Variants in CSMD3 observed in about 807,000 individuals in gnomAD.
CSMD3 encodes the protein CUB and Sushi multiple domains 3, also known as CUB and sushi domain-containing protein 3.
Under a neutral mutation model 435.2 loss-of-function variants are expected in CSMD3, and 177 were observed. The observed-to-expected ratio is 0.41, with a 90% CI of 0.36 to 0.46. The LOEUF (loss-of-function observed/expected upper bound fraction) is 0.46. Among genes scored for constraint, CSMD3 ranks in the 20% least tolerant of loss-of-function variants. CSMD3 has a pLI of 0.34. For synonymous variants in CSMD3, 1,656 were observed against 1,520.5 expected (o/e 1.09, Z -2.07); for missense variants, 4,265 against 4,504.6 (o/e 0.95, Z 1.52).
chr8:113,262,592 A>C (rs2093436292), intron 3 of CSMD3, among the ~76,000 whole-genome samples: 1 of 152,084 alleles, frequency 6.6e-6, no homozygotes, highest in Admixed American at 6.6e-5. Context: ...AGCCAACTAA[A>C]GAGGGAGATA....
chr8:113,118,247 G>C (rs951851168), intron 4 of CSMD3, among the ~76,000 whole-genome samples: 1 of 152,088 alleles, frequency 6.6e-6, no homozygotes, highest in African/African-American at 2.4e-5. Flanking sequence ...TAATACATTA[G>C]TTACAACTTT....
intron 3 of CSMD3, among the ~76,000 whole-genome samples, chr8:113,255,891 CTATTA>C (rs1474416960): frequency 6.6e-6 from 1 of 151,714 alleles, no homozygotes; most frequent in Non-Finnish European, 1.5e-5. Context: ...TATACTTTTG[CTATTA>C]TTTTACAGTG....
chr8:112,330,914 C>G (rs1163514949), intron 45 of CSMD3, among the ~76,000 whole-genome samples: 2 of 151,942 alleles, frequency 1.3e-5, no homozygotes, highest in African/African-American at 4.8e-5. Flanking sequence ...AGGGATCATT[C>G]TTTGAAGTCA....
chr8:113,104,457 G>T (rs1402940), intron 4 of CSMD3, among the ~76,000 whole-genome samples: 73,341 of 151,650 alleles, frequency 0.48, 20,514 homozygotes, highest in East Asian at 0.87. Context: ...CATATATGGA[G>T]CAGTAGTTAA....
rs1053712809 is a variant in CSMD3, at chr8:113,376,908, C to A, written c.178+59769G>T. On this transcript the variant is annotated intron_variant, in intron 1 of 70. Transcript: ENST00000297405. ...TTCCTGGCCGGGAAAACAAAACAGC[C>A]GTGGTTGTGGGGGCCATAACGGATG... 6 of 1,546,232 alleles carry A rather than the reference C, an allele frequency of 3.9e-6. No homozygotes were observed. The South Asian group carries it at 4.4e-5, about 11-fold the overall frequency.
At position 112,493,964 on chromosome 8, in the gene CSMD3, A is replaced by C. The variant is rs568396818; in HGVS notation, c.5084-1281T>G. The stretch of plus-strand genomic sequence containing the variant: ...AAATCAGACAGTGGGTATATCTCTG[A>C]ATATGAGTCATGGAATCTTTGAAAT... On this transcript the variant is annotated intron_variant, in intron 30 of 70. Transcript: ENST00000297405. 3.3e-5 allele frequency among the ~76,000 whole-genome samples: 5 copies of C among 152,278 alleles called. No homozygotes were observed. In the East Asian group the frequency reaches 9.6e-4, roughly 29 times the overall value.
At chr8:113,378,008 CAAAT>C (rs2094396666) in intron 1 of CSMD3, among the ~76,000 whole-genome samples, 1 of 152,020 alleles carries the variant, frequency 6.6e-6, no homozygotes, top group East Asian at 1.9e-4. Flanking sequence ...AATAAATACA[CAAAT>C]AAATAAGGCT....
chr8:112,578,302 G>A (rs1830093658), intron 23 of CSMD3, among the ~76,000 whole-genome samples: 1 of 151,896 alleles, frequency 6.6e-6, no homozygotes, highest in South Asian at 2.1e-4. Flanking sequence ...GGGGCACAAC[G>A]AAGGACCAAC....
chr8:113,105,259 G>A (rs755872176), intron 4 of CSMD3, among the ~76,000 whole-genome samples: 2 of 152,014 alleles, frequency 1.3e-5, no homozygotes, highest in Non-Finnish European at 2.9e-5. Context: ...TCTAAGAGAG[G>A]AGAAAAACTA....
At chr8:113,089,530 A>G (rs2089929273) in intron 5 of CSMD3, among the ~76,000 whole-genome samples, 4 of 152,220 alleles carry the variant, frequency 2.6e-5, no homozygotes, top group Non-Finnish European at 1.5e-5. Flanking sequence ...CTTGTTAAAT[A>G]CATGGAAGAA....
intron 13 of CSMD3, among the ~76,000 whole-genome samples, chr8:112,704,538 T>C (rs2076457976): frequency 6.6e-6 from 1 of 152,094 alleles, no homozygotes; most frequent in East Asian, 1.9e-4. Context: ...ATGGGACCTA[T>C]GAATTTGGAT....
chr8:112,323,288 T>C (rs1012665683), intron 45 of CSMD3, among the ~76,000 whole-genome samples: 6 of 152,082 alleles, frequency 3.9e-5, no homozygotes, highest in Admixed American at 1.3e-4. Flanking sequence ...TCTACTAGTA[T>C]GTTCTTTAAC....
At chr8:112,598,621 C>T (rs1251961864) in intron 22 of CSMD3, among the ~76,000 whole-genome samples, 3 of 150,534 alleles carry the variant, frequency 2.0e-5, no homozygotes, top group South Asian at 4.3e-4. Context: ...TCAAACTATA[C>T]TACAAGGCTA....
intron 6 of CSMD3, among the ~76,000 whole-genome samples, chr8:113,017,939 T>C (rs114283106): frequency 2.3e-3 from 349 of 152,208 alleles, no homozygotes; most frequent in African/African-American, 8.0e-3. Flanking sequence ...TAATATTTTC[T>C]ATTATGATAC....
At position 112,304,878 on chromosome 8, in the gene CSMD3, T is replaced by C. The variant is rs765423386; in HGVS notation, c.8109A>G (p.Glu2703=). 1.9e-6 allele frequency: 3 copies of C among 1,613,842 alleles called. No homozygotes were observed. Among genetic ancestry groups the C allele is most frequent in the Non-Finnish European group, 2.5e-6 (3 of 1,179,876 alleles). The part of the protein sequence containing the change: ...TCPSINSFIL[E]HGRWRIVNGS... ...CATTCACAATTCGCCATCTTCCATG[T>C]TCCAAGATAAAGGAATTGATGCTTG... Residue 2703 remains glutamate (E), a synonymous_variant, in exon 52 of 71, where the codon GAA becomes GAG. Coordinates refer to ENST00000297405, the MANE Select transcript of CSMD3 (RefSeq NM_198123.2).
intron 18 of CSMD3, among the ~76,000 whole-genome samples, chr8:112,653,772 G>T (rs982055642): frequency 1.3e-5 from 2 of 150,162 alleles, no homozygotes; most frequent in Non-Finnish European, 2.9e-5. Context: ...TGATTCTCCT[G>T]CCTCAGCCTC....
intron 1 of CSMD3, among the ~76,000 whole-genome samples, chr8:113,404,143 G>T (rs774918598): frequency 2.0e-5 from 3 of 151,210 alleles, no homozygotes; most frequent in Non-Finnish European, 4.5e-5. Flanking sequence ...AAATTGATCT[G>T]CCTTTTAAAA....
chr8:112,807,184 C>A (rs769539040), intron 12 of CSMD3, among the ~76,000 whole-genome samples: 16 of 152,128 alleles, frequency 1.1e-4, no homozygotes, highest in Non-Finnish European at 2.1e-4. Context: ...CTGGAGGACC[C>A]TTGTGACTCT....
chr8:113,130,397 A>T (rs557120541), intron 4 of CSMD3, among the ~76,000 whole-genome samples: 1 of 152,158 alleles, frequency 6.6e-6, no homozygotes, highest in Admixed American at 6.6e-5. Flanking sequence ...GTGAGTCATC[A>T]CCAGATCTGA....
Sources: gnomAD v4.1 joint callset for allele counts (sites outside exome capture counted in the v4.1 genomes callset) on GRCh38, gnomAD v4.1.1 for gene constraint, MANE v1.5 for transcripts, NCBI Gene and HGNC (gene_info 2026-07-23, HGNC 2026-07-21) for gene names.